CCSER1: variants seen among roughly 807,000 people sequenced by gnomAD.
CCSER1 encodes coiled-coil serine rich protein 1, also known as serine-rich coiled-coil domain-containing protein 1.
Under a neutral mutation model 82.0 loss-of-function variants are expected in CCSER1, and 41 were observed. The observed-to-expected ratio is 0.50, with a 90% confidence interval of 0.39 to 0.65. CCSER1 has a LOEUF of 0.65. Among genes scored for constraint, CCSER1 ranks in the 30% least tolerant of loss-of-function variants. The probability of loss-of-function intolerance (pLI) is 0.00; values close to 1 mark genes in which losing one functional copy is unlikely to be tolerated. For synonymous variants in CCSER1, 414 were observed against 383.9 expected (o/e 1.08, Z -0.92); for missense variants, 1,119 against 1,064.2 (o/e 1.05, Z -0.72).
chr4:90,601,669 A>G (rs537325832), intron 5 of CCSER1, among the ~76,000 whole-genome samples: 32 of 130,996 alleles, frequency 2.4e-4, no homozygotes, highest in African/African-American at 9.3e-4. Context: ...CTTATTTTTT[A>G]TTTATCTCTA....
chr4:91,516,523 G>T (rs1578672035), intron 10 of CCSER1, among the ~76,000 whole-genome samples: 1 of 152,198 alleles, frequency 6.6e-6, no homozygotes, highest in East Asian at 1.9e-4. Flanking sequence ...TTGTAAGTGT[G>T]CAGCCTTATT....
intron 10 of CCSER1, among the ~76,000 whole-genome samples, chr4:91,270,586 A>C (rs1044433981): frequency 2.0e-5 from 3 of 152,176 alleles, no homozygotes; most frequent in African/African-American, 7.2e-5. Flanking sequence ...CACAATACTC[A>C]TAATTCACAA....
At chr4:90,950,120 C>A (rs1030713626) in intron 9 of CCSER1, among the ~76,000 whole-genome samples, 1 of 152,038 alleles carries the variant, frequency 6.6e-6, no homozygotes, top group Non-Finnish European at 1.5e-5. Context: ...GCAAGAAGAA[C>A]CACAGTTAGC....
At chr4:90,758,470 A>G (rs1749904649) in intron 7 of CCSER1, among the ~76,000 whole-genome samples, 2 of 152,256 alleles carry the variant, frequency 1.3e-5, no homozygotes, top group South Asian at 2.1e-4. Flanking sequence ...ACATAAATAC[A>G]TGATAGGTGA....
intron 9 of CCSER1, among the ~76,000 whole-genome samples, chr4:91,055,087 T>A (rs181173805): frequency 4.1e-4 from 63 of 152,344 alleles, no homozygotes; most frequent in African/African-American, 1.5e-3. Context: ...GTCTTCTTTG[T>A]GTTTAGCTGA....
chr4:90,558,027 G>A (rs1051676305), intron 5 of CCSER1, among the ~76,000 whole-genome samples: 5 of 152,140 alleles, frequency 3.3e-5, no homozygotes, highest in Admixed American at 3.3e-4. Flanking sequence ...CTAGGTAACA[G>A]ATAAAATTGC....
At chr4:90,528,560 G>A (rs1774075266) in intron 5 of CCSER1, among the ~76,000 whole-genome samples, 1 of 152,138 alleles carries the variant, frequency 6.6e-6, no homozygotes, top group Admixed American at 6.6e-5. Flanking sequence ...GATACTCTGG[G>A]TTATAATTCA....
chr4:90,215,046 A>C (rs1433292702), intron 1 of CCSER1, among the ~76,000 whole-genome samples: 7 of 152,218 alleles, frequency 4.6e-5, no homozygotes, highest in Non-Finnish European at 1.0e-4. Flanking sequence ...GAAATGTGTC[A>C]TGAATTAATG....
intron 7 of CCSER1, among the ~76,000 whole-genome samples, chr4:90,798,522 A>G (rs1185316486): frequency 2.7e-5 from 4 of 145,736 alleles, no homozygotes; most frequent in African/African-American, 1.0e-4. Flanking sequence ...TGGAGAGGTG[A>G]TGCAATCATT....
At chr4:91,402,292 T>A (rs570461608) in intron 10 of CCSER1, among the ~76,000 whole-genome samples, 2 of 152,208 alleles carry the variant, frequency 1.3e-5, no homozygotes, top group African/African-American at 4.8e-5. Context: ...TTCTGGAAAT[T>A]AGCCTTTTGT....
At chr4:91,420,826 G>GAGAT (rs745748956) in intron 10 of CCSER1, among the ~76,000 whole-genome samples, 1 of 152,134 alleles carries the variant, frequency 6.6e-6, no homozygotes, top group African/African-American at 2.4e-5. Flanking sequence ...AAATGTGATA[G>GAGAT]AGATAGATAG....
intron 10 of CCSER1, among the ~76,000 whole-genome samples, chr4:91,590,346 T>C (rs2110338501): frequency 6.6e-6 from 1 of 152,270 alleles, no homozygotes; most frequent in Non-Finnish European, 1.5e-5. Context: ...TCTTTTCGGT[T>C]ATTACATCAA....
At chr4:91,414,699 G>T (rs1173642310) in intron 10 of CCSER1, among the ~76,000 whole-genome samples, 4 of 152,006 alleles carry the variant, frequency 2.6e-5, no homozygotes, top group Admixed American at 2.6e-4. Flanking sequence ...GACAAACATA[G>T]GTTGAAAGCA....
chr4:90,239,468 G>A (rs988638821), intron 1 of CCSER1, among the ~76,000 whole-genome samples: 20 of 152,068 alleles, frequency 1.3e-4, no homozygotes, highest in Non-Finnish European at 1.5e-4. Context: ...ACTGTAATGT[G>A]TAGTCAACTG....
intron 1 of CCSER1, among the ~76,000 whole-genome samples, chr4:90,215,585 TA>T (rs1310639916): frequency 2.0e-5 from 3 of 151,962 alleles, no homozygotes; most frequent in African/African-American, 7.3e-5. Context: ...TTAAAAAAAA[TA>T]AAAGCAAGTT....
At chr4:91,468,742 TA>T (rs1310388362) in intron 10 of CCSER1, among the ~76,000 whole-genome samples, 1 of 152,000 alleles carries the variant, frequency 6.6e-6, no homozygotes, top group Non-Finnish European at 1.5e-5. Context: ...TTTGATCCTA[TA>T]ACTGAAAAAG....
chr4:91,244,402 C>T (rs1581833088), intron 10 of CCSER1, among the ~76,000 whole-genome samples: 1 of 152,212 alleles, frequency 6.6e-6, no homozygotes, highest in South Asian at 2.1e-4. Flanking sequence ...AGGTCTGACC[C>T]AGCACAGTCC....
chr4:91,383,289 T>A (rs1560629045), intron 10 of CCSER1, among the ~76,000 whole-genome samples: 1 of 152,198 alleles, frequency 6.6e-6, no homozygotes, highest in Non-Finnish European at 1.5e-5. Flanking sequence ...TTTCTTAATA[T>A]GAAGTATCAC....
At chr4:90,703,673 T>G (rs1403486303) in intron 6 of CCSER1, among the ~76,000 whole-genome samples, 1 of 152,224 alleles carries the variant, frequency 6.6e-6, no homozygotes, top group Non-Finnish European at 1.5e-5. Flanking sequence ...TGGGTTCATA[T>G]GTATTTAGGA....
Sources: allele counts gnomAD v4.1 joint callset (sites outside exome capture counted in the v4.1 genomes callset), GRCh38; gene constraint gnomAD v4.1.1; transcripts MANE v1.5; gene names NCBI Gene and HGNC (gene_info 2026-07-23, HGNC 2026-07-21).